The following FGF13 variants were observed in gnomAD, a reference collection of about 807,000 sequenced individuals.
FGF13 encodes the protein fibroblast growth factor homologous factor 2.
A neutral mutation model predicts 19.5 loss-of-function variants in FGF13; 2 were observed. The observed-to-expected ratio is 0.10, with a 90% CI of 0.04 to 0.32. The LOEUF (loss-of-function observed/expected upper bound fraction) is 0.32, where lower values mean the gene tolerates loss of function less well. Among genes scored for constraint, FGF13 ranks in the 10% least tolerant of loss-of-function variants. The pLI is 1.00. For missense variants in FGF13, 113 were observed against 192.7 expected (o/e 0.59, Z 2.45); for synonymous variants, 72 against 76.9 (o/e 0.94, Z 0.33).
chrX:138,931,494 G>A (rs889231174), intron 1 of FGF13, among the ~76,000 whole-genome samples: 2 of 111,885 alleles, frequency 1.8e-5, no homozygotes, highest in Non-Finnish European at 3.8e-5. Context: ...GAATCAAAAC[G>A]ATGAACTAAC....
chrX:138,795,574 A>G (rs1375613606), intron 3 of FGF13, among the ~76,000 whole-genome samples: 1 of 112,072 alleles, frequency 8.9e-6, no homozygotes, highest in East Asian at 2.8e-4. Flanking sequence ...CACATGGCCA[A>G]CATAGATGTT....
At chrX:138,825,502 T>A (rs754571363) in intron 3 of FGF13, among the ~76,000 whole-genome samples, 1 of 111,453 alleles carries the variant, frequency 9.0e-6, no homozygotes, top group Non-Finnish European at 1.9e-5. Context: ...ACTCTTTCAT[T>A]CTTTACTTTT....
chrX:138,682,473 C>T (rs1473542103), intron 3 of FGF13, among the ~76,000 whole-genome samples: 2 of 111,984 alleles, frequency 1.8e-5, no homozygotes, highest in South Asian at 3.7e-4. Flanking sequence ...TGTGTGCGTG[C>T]GTGTGCGCAC....
chrX:139,135,799 T>C (rs1245404990), intron 1 of FGF13, among the ~76,000 whole-genome samples: 1 of 111,749 alleles, frequency 8.9e-6, no homozygotes, highest in Non-Finnish European at 1.9e-5. Context: ...TGTTTTTACT[T>C]CCACTTTCAT....
At chrX:138,930,983 G>A (rs2091698643) in intron 1 of FGF13, among the ~76,000 whole-genome samples, 1 of 112,454 alleles carries the variant, frequency 8.9e-6, no homozygotes, top group Non-Finnish European at 1.9e-5. Flanking sequence ...GAAGAAATGA[G>A]CAGGAATACA....
intron 1 of FGF13, among the ~76,000 whole-genome samples, chrX:138,923,146 T>A (rs984820308): frequency 7.1e-5 from 8 of 112,108 alleles, no homozygotes; most frequent in Non-Finnish European, 1.5e-4. Flanking sequence ...CATCAGAATT[T>A]TTGCAGTATG....
rs1464717632 is a variant in FGF13 at position 138,622,941 on chromosome X, TC to T, written c.*9908del. 8.9e-6 allele frequency: 1 copy of T among 112,273 alleles called. No homozygotes were observed. Among genetic ancestry groups the T allele is most frequent in the East Asian group, 2.8e-4 (1 of 3,580 alleles). 9.3% of individuals were successfully genotyped at this position (112,273 alleles called of 1,213,427 possible). On this transcript the variant is annotated 3_prime_UTR_variant, in exon 5 of 5. Coordinates refer to ENST00000315930, the MANE Select transcript of FGF13 (RefSeq NM_004114.5). The stretch of plus-strand genomic sequence containing the variant: ...AAGGGATCTGTTCCATTTGTCTTCT[TC>T]AATTACTTTCATCAATATTTTATAG...
chrX:138,982,746 T>C (rs1004644442), intron 1 of FGF13, among the ~76,000 whole-genome samples: 3 of 112,007 alleles, frequency 2.7e-5, no homozygotes, highest in Non-Finnish European at 5.6e-5. Flanking sequence ...AGGCCAAGGT[T>C]CTCATCCAGG....
At chrX:139,189,307 T>C (rs960795492) in intron 1 of FGF13, among the ~76,000 whole-genome samples, 1 of 111,057 alleles carries the variant, frequency 9.0e-6, no homozygotes, top group African/African-American at 3.3e-5. Context: ...TTAAAACAAT[T>C]TATCCCATCA....
chrX:138,666,656 G>A (rs187195583), intron 3 of FGF13, among the ~76,000 whole-genome samples: 10 of 111,526 alleles, frequency 9.0e-5, no homozygotes, highest in African/African-American at 2.6e-4. Context: ...CTCACAAGGT[G>A]TAGCAGGGAT....
intron 1 of FGF13, among the ~76,000 whole-genome samples, chrX:139,098,062 C>A (rs909865531): frequency 1.8e-5 from 2 of 111,381 alleles, no homozygotes; most frequent in Non-Finnish European, 3.8e-5. Context: ...TAGAAACACA[C>A]ACACACACAA....
At chrX:139,199,029 G>A (rs189192396) in intron 1 of FGF13, among the ~76,000 whole-genome samples, 3 of 112,596 alleles carry the variant, frequency 2.7e-5, no homozygotes, top group East Asian at 2.8e-4. Flanking sequence ...ATTTCAAGTT[G>A]ATGAAAACTA....
intron 1 of FGF13, among the ~76,000 whole-genome samples, chrX:139,019,550 A>G (rs746188123): frequency 7.4e-4 from 83 of 111,713 alleles, no homozygotes; most frequent in Non-Finnish European, 1.4e-3. Context: ...GACTATAGAT[A>G]TGAAGGGCTG....
At chrX:138,720,886 C>T (rs1412267639) in intron 1 of FGF13, among the ~76,000 whole-genome samples, 1 of 112,068 alleles carries the variant, frequency 8.9e-6, no homozygotes, top group Non-Finnish European at 1.9e-5. Flanking sequence ...TATATCACTA[C>T]CCTTTGAACA....
intron 1 of FGF13, among the ~76,000 whole-genome samples, chrX:138,879,564 T>A: frequency 9.0e-6 from 1 of 111,574 alleles, no homozygotes; most frequent in East Asian, 2.8e-4. Context: ...AATGTGCAGG[T>A]TTGTTACATA....
At chrX:139,107,711 AAAATATT>A (rs2083570020) in intron 1 of FGF13, among the ~76,000 whole-genome samples, 1 of 110,710 alleles carries the variant, frequency 9.0e-6, no homozygotes, top group African/African-American at 3.3e-5. Flanking sequence ...CTCAAAATAT[AAAATATT>A]AACTGACAGA....
intron 3 of FGF13, among the ~76,000 whole-genome samples, chrX:138,745,892 AG>A (rs2090351860): frequency 8.9e-6 from 1 of 111,800 alleles, no homozygotes; most frequent in South Asian, 3.7e-4. Context: ...AGGCTGTACC[AG>A]GCCTGGCAAG....
At chrX:138,775,109 G>A (rs775518088) in intron 3 of FGF13, among the ~76,000 whole-genome samples, 108 of 111,948 alleles carry the variant, frequency 9.6e-4, no homozygotes, top group Non-Finnish European at 1.7e-3. Flanking sequence ...TCAGGCATGC[G>A]CCATCACGCT....
intron 1 of FGF13, among the ~76,000 whole-genome samples, chrX:139,017,165 T>G (rs1433932141): frequency 1.8e-5 from 2 of 108,728 alleles, no homozygotes; most frequent in African/African-American, 6.7e-5. Flanking sequence ...GGATGGTTTG[T>G]GTGGAGATGG....
Sources: allele counts gnomAD v4.1 joint callset (sites outside exome capture counted in the v4.1 genomes callset), GRCh38; gene constraint gnomAD v4.1.1; transcripts MANE v1.5; gene names NCBI Gene and HGNC (gene_info 2026-07-23, HGNC 2026-07-21).